The following LTBP1 variants were observed in gnomAD, a reference collection of about 807,000 sequenced individuals.
LTBP1 encodes latent transforming growth factor beta binding protein 1.
LTBP1 carries 129 observed loss-of-function variants against 207.6 expected under a neutral mutation model. That is an observed-to-expected ratio of 0.62 (90% CI 0.54 to 0.72). The LOEUF (loss-of-function observed/expected upper bound fraction) is 0.72. Ranked by LOEUF, LTBP1 falls within the 30% of genes least tolerant of loss-of-function variation. The pLI is 0.00. For synonymous variants in LTBP1, 963 were observed against 833.7 expected (o/e 1.16, Z -2.67); for missense variants, 2,281 against 2,217.2 (o/e 1.03, Z -0.58).
intron 26 of LTBP1, among the ~76,000 whole-genome samples, chr2:33,357,438 A>G (rs760143030): frequency 4.6e-5 from 7 of 152,232 alleles, no homozygotes; most frequent in African/African-American, 1.7e-4. Flanking sequence ...TATGTGAGAT[A>G]AGAACCTGAG....
At chr2:33,010,323 G>A (rs1276643340) in intron 2 of LTBP1, among the ~76,000 whole-genome samples, 1 of 152,202 alleles carries the variant, frequency 6.6e-6, no homozygotes, top group Non-Finnish European at 1.5e-5. Flanking sequence ...GCATTATCCA[G>A]TGTCATTAAA....
At chr2:33,175,722 C>T (rs969120319) in intron 5 of LTBP1, among the ~76,000 whole-genome samples, 3 of 152,052 alleles carry the variant, frequency 2.0e-5, no homozygotes, top group African/African-American at 7.2e-5. Context: ...TATTGCGGCA[C>T]TATTCACAAT....
rs112067300 is a variant in LTBP1, at chr2:33,139,062, G to T, written c.1201+4102G>T. 1.4e-3 allele frequency among the ~76,000 whole-genome samples: 208 copies of T among 151,584 alleles called. 1 individual carries two copies. Among genetic ancestry groups the T allele is most frequent in the Middle Eastern group, 0.014 (4 of 294 alleles). ...TTTAGTAGAGACGGGGTTTCACCGT[G>T]TTAGCCAGGATGGTCTCCATCTCCT... On this transcript the variant is annotated intron_variant, in intron 5 of 33. Transcript: ENST00000404816.
chr2:33,137,607 C>G (rs2082250971), intron 5 of LTBP1, among the ~76,000 whole-genome samples: 1 of 152,104 alleles, frequency 6.6e-6, no homozygotes, highest in Non-Finnish European at 1.5e-5. Flanking sequence ...TCAACATAAT[C>G]CAGGGAAAAT....
At chr2:32,982,889 A>T (rs571224001) in intron 2 of LTBP1, among the ~76,000 whole-genome samples, 7 of 152,146 alleles carry the variant, frequency 4.6e-5, no homozygotes, top group Admixed American at 4.6e-4. Context: ...CTCATGGAGA[A>T]CCTCTGTTAC....
intron 2 of LTBP1, among the ~76,000 whole-genome samples, chr2:32,984,250 C>T (rs1369305903): frequency 4.6e-5 from 7 of 152,198 alleles, no homozygotes; most frequent in Non-Finnish European, 7.3e-5. Flanking sequence ...TCATCTCATT[C>T]GACTTCTGAT....
intron 7 of LTBP1, among the ~76,000 whole-genome samples, chr2:33,201,468 G>A (rs918432675): frequency 5.3e-5 from 8 of 150,154 alleles, no homozygotes; most frequent in Non-Finnish European, 1.0e-4. Context: ...TCACACTCTG[G>A]GGACTGTTGT....
At chr2:33,377,902 C>G (rs2095161693) in intron 31 of LTBP1, among the ~76,000 whole-genome samples, 1 of 152,304 alleles carries the variant, frequency 6.6e-6, no homozygotes, top group Non-Finnish European at 1.5e-5. Context: ...CTCCTGAGAA[C>G]TCCCTCACTA....
Position 33,275,024 on chromosome 2 carries a change from G to A in LTBP1, c.2803G>A (p.Glu935Lys), listed in dbSNP as rs572890688. The A allele has an allele frequency of 2.0e-5, 32 of 1,614,112 alleles. No homozygotes were observed. The East Asian group carries it at 5.6e-4, about 28-fold the overall frequency. Residue 935 changes from glutamate to lysine, a missense_variant, in exon 17 of 34, where the codon GAG becomes AAG. Coordinates refer to ENST00000404816, the MANE Select transcript of LTBP1 (RefSeq NM_206943.4). Reference sequence around the variant, plus strand: ...CTCCCAGGGCCGCTGTGAAAACACCGAGGGAAGTTTCTTGTGCATTTGCCC... The same window carrying A: ...CTCCCAGGGCCGCTGTGAAAACACCAAGGGAAGTTTCTTGTGCATTTGCCC... The part of the protein sequence containing the change: ...LCSQGRCENT[E>K]GSFLCICPAG...
intron 3 of LTBP1, among the ~76,000 whole-genome samples, chr2:33,069,536 C>G (rs2077683178): frequency 6.6e-6 from 1 of 152,152 alleles, no homozygotes; most frequent in African/African-American, 2.4e-5. Context: ...GAGGGCAGGT[C>G]AATGTTACCT....
chr2:33,044,127 AT>A (rs113067278), intron 3 of LTBP1, among the ~76,000 whole-genome samples: 41,079 of 148,686 alleles, frequency 0.28, 5,783 homozygotes, highest in Admixed American at 0.36. Flanking sequence ...AGGAAAAAGT[AT>A]TTTTTTTTTT....
chr2:33,268,893 G>C (rs1427552731), intron 15 of LTBP1, among the ~76,000 whole-genome samples: 1 of 152,120 alleles, frequency 6.6e-6, no homozygotes, highest in Non-Finnish European at 1.5e-5. Context: ...TAACTGCCTT[G>C]TGGAAACCTC....
At chr2:33,268,605 T>C (rs1433804781) in intron 15 of LTBP1, among the ~76,000 whole-genome samples, 2 of 152,264 alleles carry the variant, frequency 1.3e-5, no homozygotes, top group African/African-American at 4.8e-5. Context: ...AAGTGAATTA[T>C]ATGTTTCAGC....
intron 7 of LTBP1, among the ~76,000 whole-genome samples, chr2:33,189,581 G>C (rs1410108996): frequency 6.6e-6 from 1 of 152,200 alleles, no homozygotes; most frequent in Non-Finnish European, 1.5e-5. Context: ...TCAGGCGTGA[G>C]ATATGGTACA....
chr2:33,347,646 T>C (rs2094721796), intron 26 of LTBP1, 136 bp downstream of exon 26: 14 of 1,013,622 alleles, frequency 1.4e-5, no homozygotes, highest in Admixed American at 2.4e-5. Context: ...TCTGGAAGCT[T>C]CCATGATCTT....
At chr2:33,180,807 A>G (rs1014919866) in intron 5 of LTBP1, among the ~76,000 whole-genome samples, 1 of 152,164 alleles carries the variant, frequency 6.6e-6, no homozygotes, top group Admixed American at 6.5e-5. Flanking sequence ...GCATGTAATT[A>G]TTATATAACA....
At chr2:33,130,983 C>T (rs916152487) in intron 4 of LTBP1, among the ~76,000 whole-genome samples, 1 of 152,150 alleles carries the variant, frequency 6.6e-6, no homozygotes, top group Admixed American at 6.5e-5. Flanking sequence ...GCTTCTCAGA[C>T]TTATAATTCC....
chr2:33,333,044 G>A (rs2094515310), intron 24 of LTBP1: 1 of 152,212 alleles, frequency 6.6e-6, no homozygotes, highest in African/African-American at 2.4e-5. Flanking sequence ...CTTCCCACAG[G>A]AAATGTAAAG....
chr2:33,047,381 C>G (rs1244915761), intron 3 of LTBP1, among the ~76,000 whole-genome samples: 1 of 152,106 alleles, frequency 6.6e-6, no homozygotes, highest in Non-Finnish European at 1.5e-5. Flanking sequence ...ACCCGGTAGT[C>G]AATTCAGGAG....
Sources: allele counts gnomAD v4.1 joint callset (sites outside exome capture counted in the v4.1 genomes callset), GRCh38; gene constraint gnomAD v4.1.1; transcripts MANE v1.5; gene names NCBI Gene and HGNC (gene_info 2026-07-23, HGNC 2026-07-21).